TMEM175: variants seen among roughly 807,000 people sequenced by gnomAD.
TMEM175 encodes the protein endosomal/lysosomal proton channel TMEM175.
In TMEM175, 36 loss-of-function variants were observed where a neutral mutation model predicts 36.5. The observed-to-expected ratio is 0.99, with a 90% confidence interval of 0.76 to 1.30. TMEM175 has a LOEUF of 1.30. Among genes scored for constraint, TMEM175 ranks in the 50% most tolerant of loss-of-function variants. TMEM175 has a pLI of 0.00. For missense variants in TMEM175, 705 were observed against 692.8 expected (o/e 1.02, Z -0.20); for synonymous variants, 339 against 313.4 (o/e 1.08, Z -0.86).
In TMEM175 at chr4:951,719, T is replaced by C; in HGVS notation, c.378+2T>C. ...ACCATCACCTTCCTGCCTTACACGG[T>C]GAGCAACACCAGGCCCCTGACACCC... On this transcript the variant is annotated splice_donor_variant, in intron 6 of 10. Coordinates refer to ENST00000264771, the MANE Select transcript of TMEM175 (RefSeq NM_032326.4). LOFTEE classifies it high-confidence loss of function. 2 of 1,614,076 alleles carry C rather than the reference T, an allele frequency of 1.2e-6. No homozygotes were observed. The highest frequency in any genetic ancestry group is 1.7e-6 in the Non-Finnish European group (2 of 1,179,992).
rs370189072 is a variant in TMEM175, at chr4:958,222, G to A, written c.1241G>A (p.Arg414Gln). 260 of 1,602,440 alleles carry A rather than the reference G, an allele frequency of 1.6e-4. 1 individual carries two copies. The South Asian group carries it at 2.4e-3, about 14-fold the overall frequency. ...TLQPSVWFGG[R>Q]EHVLMFAKLA... ...CAGCCCTCGGTGTGGTTTGGCGGCCGGGAGCATGTGCTCATGTTCGCCAAG... is the reference window on the plus strand; with the variant it reads ...CAGCCCTCGGTGTGGTTTGGCGGCCAGGAGCATGTGCTCATGTTCGCCAAG... The change falls in exon 11 of 11, where the codon CGG becomes CAG. Residue 414 changes from arginine to glutamine, a missense_variant. By Grantham distance (43) the Arg-to-Gln change is conservative. Coordinates refer to ENST00000264771, the MANE Select transcript of TMEM175 (RefSeq NM_032326.4).
At chr4:938,380 TG>T (rs1252699232) in intron 1 of TMEM175, among the ~76,000 whole-genome samples, 1 of 152,106 alleles carries the variant, frequency 6.6e-6, no homozygotes, top group African/African-American at 2.4e-5. Context: ...GGCGGGCGCC[TG>T]TAATCCCAGC....
At chr4:951,785 A>G (rs1728922687) in intron 6 of TMEM175, 68 bp downstream of exon 6, 2 of 1,542,196 alleles carry the variant, frequency 1.3e-6, no homozygotes, top group African/African-American at 1.4e-5. Flanking sequence ...CCTGTCCTCA[A>G]AAGCAGACCA....
At position 953,266 on chromosome 4, in the gene TMEM175, T is replaced by G; in HGVS notation, c.539T>G (p.Leu180Arg). Residue 180 changes from leucine (L) to arginine (R), a missense_variant, in exon 8 of 11, where the codon CTG becomes CGG. By Grantham distance (102) the Leu-to-Arg change is moderately radical (BLOSUM62 -2). Coordinates refer to ENST00000264771, the MANE Select transcript of TMEM175 (RefSeq NM_032326.4). Reference sequence around the variant, plus strand: ...ATCCAGCGCTCTGCCCACAGGGCTCTGTACCGACGACACGTCCTGGGCATC... The same window carrying G: ...ATCCAGCGCTCTGCCCACAGGGCTCGGTACCGACGACACGTCCTGGGCATC... ...PQIQRSAHRA[L>R]YRRHVLGIVL... 6.2e-7 allele frequency: 1 copy of G among 1,614,088 alleles called. No individual in the cohort carries two copies. The highest frequency in any genetic ancestry group is 1.1e-5 in the South Asian group (1 of 91,074).
rs776825676 is a variant in TMEM175, at chr4:958,250, G to A, written c.1269G>A (p.Leu423=). The A allele has an allele frequency of 3.1e-6, 5 of 1,605,570 alleles. No individual in the cohort carries two copies. The highest frequency in any genetic ancestry group is 1.1e-5 in the South Asian group (1 of 91,064). The change falls in exon 11 of 11, where the codon CTG becomes CTA. Residue 423 remains leucine (L), a synonymous_variant. Coordinates refer to ENST00000264771, the MANE Select transcript of TMEM175 (RefSeq NM_032326.4). ...AGCATGTGCTCATGTTCGCCAAGCT[G>A]GCGCTGTACCCCTGTGCCAGCCTGC... ...GREHVLMFAK[L]ALYPCASLLA...
intron 1 of TMEM175, among the ~76,000 whole-genome samples, chr4:938,470 C>G (rs1727060295): frequency 6.6e-6 from 1 of 151,984 alleles, no homozygotes; most frequent in African/African-American, 2.4e-5. Flanking sequence ...CACCACTGTG[C>G]TCCACTCTGG....
intron 4 of TMEM175, 64 bp from the exon 5 acceptor site, chr4:951,143 T>C: frequency 7.2e-7 from 1 of 1,393,944 alleles, no homozygotes; most frequent in Non-Finnish European, 1.0e-6. Context: ...CTGGAAAGAG[T>C]GTGTGTGCAT....
chr4:941,113 C>T (rs541334742), intron 1 of TMEM175, among the ~76,000 whole-genome samples: 3 of 149,866 alleles, frequency 2.0e-5, no homozygotes, highest in Non-Finnish European at 4.4e-5. Context: ...TGCAGTGGCT[C>T]ACGCCTGTAA....
chr4:941,287 A>C (rs1302101586), intron 1 of TMEM175, among the ~76,000 whole-genome samples: 2 of 148,192 alleles, frequency 1.3e-5, no homozygotes, highest in African/African-American at 4.9e-5. Context: ...GACACAGGAG[A>C]ATCGTTTAAA....
intron 1 of TMEM175, among the ~76,000 whole-genome samples, chr4:941,594 A>C (rs2152998124): frequency 6.6e-6 from 1 of 151,920 alleles, no homozygotes; most frequent in African/African-American, 2.4e-5. Context: ...GCGTACCACC[A>C]CACCCAGCTA....
intron 10 of TMEM175, chr4:956,217 C>A: frequency 1.0e-6 from 1 of 989,762 alleles, no homozygotes; most frequent in Non-Finnish European, 1.3e-6. Flanking sequence ...GGGTATCCCC[C>A]TGCCCCAGGC....
chr4:955,309 T>C, intron 8 of TMEM175, 96 bp from the exon 9 acceptor site: 1 of 921,724 alleles, frequency 1.1e-6, no homozygotes. Flanking sequence ...CCCTCCCTTC[T>C]GCCGCAGCCC....
chr4:941,111 C>T (rs1006538338), intron 1 of TMEM175, among the ~76,000 whole-genome samples: 2 of 150,020 alleles, frequency 1.3e-5, no homozygotes, highest in Non-Finnish European at 3.0e-5. Flanking sequence ...GGTGCAGTGG[C>T]TCACGCCTGT....
chr4:941,376 CAAA>C (rs567941043), intron 1 of TMEM175, among the ~76,000 whole-genome samples: 39,929 of 104,792 alleles, frequency 0.38, 6,320 homozygotes, highest in African/African-American at 0.41. Context: ...AACTCTGTCT[CAAA>C]AAAAAAAAAA....
At chr4:951,838 G>C in intron 6 of TMEM175, 121 bp downstream of exon 6, 1 of 1,144,266 alleles carries the variant, frequency 8.7e-7, no homozygotes, top group Non-Finnish European at 1.3e-6. Context: ...GTAGAGAAGA[G>C]AGAAGGTTCT....
Position 958,046 on chromosome 4 carries a change from C to T in TMEM175, c.1065C>T (p.Leu355=). 6.2e-7 allele frequency: 1 copy of T among 1,611,008 alleles called. No individual in the cohort carries two copies. ...NTLSLAFVGG[L]PLAYQQTSAF... The stretch of plus-strand genomic sequence containing the variant: ...TCTCGCTGGCCTTCGTGGGTGGCCT[C>T]CCACTAGCCTACCAGCAGACCTCGG... Residue 355 remains leucine, a synonymous_variant, in exon 11 of 11, where the codon CTC becomes CTT. Transcript: ENST00000264771.
In TMEM175 at chr4:946,826, C is replaced by T. The variant is rs564180320; in HGVS notation, c.-31-883C>T. ...TTCCCCAAAGGTCACCAAGGGAGAG[C>T]GCGGCCCCTGTAGGAAACAGCCCCA... is the stretch of plus-strand genomic sequence containing the variant. On this transcript the variant is annotated intron_variant, in intron 1 of 10. Coordinates refer to ENST00000264771, the MANE Select transcript of TMEM175 (RefSeq NM_032326.4). Among the ~76,000 whole-genome samples, 22 of 152,238 alleles carry T rather than the reference C, an allele frequency of 1.4e-4. No individual in the cohort carries two copies. The South Asian group carries it at 4.4e-3, about 30-fold the overall frequency.
chr4:956,667 C>G, intron 10 of TMEM175: 4 of 367,384 alleles, frequency 1.1e-5, no homozygotes, highest in Non-Finnish European at 2.0e-5. Flanking sequence ...TGGTCTTGAA[C>G]TCCTGACCTC....
intron 1 of TMEM175, among the ~76,000 whole-genome samples, chr4:944,817 C>T (rs1473929723): frequency 1.3e-5 from 2 of 152,082 alleles, no homozygotes; most frequent in Non-Finnish European, 2.9e-5. Flanking sequence ...TAAAACACAC[C>T]GGGCTGGCTG....
Sources: allele counts gnomAD v4.1 joint callset (sites outside exome capture counted in the v4.1 genomes callset), GRCh38; gene constraint gnomAD v4.1.1; transcripts MANE v1.5; gene names NCBI Gene and HGNC (gene_info 2026-07-23, HGNC 2026-07-21).